Variants in MOBP observed in about 807,000 individuals in gnomAD.
MOBP encodes myelin associated oligodendrocyte basic protein.
A neutral mutation model predicts 15.0 loss-of-function variants in MOBP; 5 were observed. The observed-to-expected ratio is 0.33, with a 90% CI of 0.17 to 0.70. The LOEUF (loss-of-function observed/expected upper bound fraction) is 0.70, where lower values mean the gene tolerates loss of function less well. Ranked by LOEUF, MOBP falls within the 30% of genes least tolerant of loss-of-function variation. The pLI, the probability that MOBP is intolerant of heterozygous loss-of-function variation, is 0.67. For missense variants in MOBP, 188 were observed against 257.8 expected, an observed-to-expected ratio of 0.73 and a Z score of 1.85; for synonymous variants, 88 against 99.0, an observed-to-expected ratio of 0.89 and a Z score of 0.66.
chr3:39,502,874 C>G lies in MOBP; in HGVS notation c.546C>G (p.Phe182Leu), dbSNP rs2042995748. 8.0e-7 allele frequency: 1 copy of G among 1,253,384 alleles called. No homozygotes were observed. The highest frequency in any genetic ancestry group is 1.1e-6 in the Non-Finnish European group (1 of 914,544). 77.6% of individuals were successfully genotyped at this position (1,253,384 alleles called of 1,614,324 possible). A position where few individuals can be genotyped will look rare whatever the true frequency, so the allele number is the denominator to read the frequency against. Residue 182 changes from phenylalanine to leucine, a missense_variant, in exon 4 of 4, where the codon TTC becomes TTG. Phe to Leu is a conservative substitution (Grantham distance 22, BLOSUM62 0). Transcript: ENST00000684792. This position sits in a 1 kb window ranked among gnomAD's most constrained non-coding sequence, Gnocchi z 6.3. ...RGGSPVKASR[F>L]W ...GGTCCCCCGTCAAAGCTTCTAGGTTCTGGTAACACCATCTCTTCCCTTTTG... is the reference window on the plus strand; with the variant it reads ...GGTCCCCCGTCAAAGCTTCTAGGTTGTGGTAACACCATCTCTTCCCTTTTG...
At chr3:39,468,062 ATGC>A (rs752003359) in intron 1 of MOBP, among the ~76,000 whole-genome samples, 4 of 150,150 alleles carry the variant, frequency 2.7e-5, no homozygotes, top group Admixed American at 6.6e-5. Context: ...ATGGTAGTAC[ATGC>A]TGCTGCTGCT....
downstream of MOBP, chr3:39,525,947 A>C (rs1384501023): frequency 6.6e-6 from 1 of 152,236 alleles, no homozygotes; most frequent in Non-Finnish European, 1.5e-5. Flanking sequence ...GGTGCTAAAT[A>C]AACAACAAAA....
At chr3:39,529,196 A>C (rs1314790390), downstream of MOBP, 2 of 152,370 alleles carry the variant, frequency 1.3e-5, no homozygotes, top group East Asian at 1.9e-4. Context: ...GAAGTATCAA[A>C]GCTAGTTAAA....
intron 2 of MOBP, among the ~76,000 whole-genome samples, chr3:39,495,112 C>T (rs1432521376): frequency 2.0e-5 from 3 of 152,200 alleles, no homozygotes; most frequent in Non-Finnish European, 4.4e-5. Context: ...TTTATCCTCA[C>T]TAGACAATCC....
At chr3:39,494,491 C>CA (rs779391901) in intron 2 of MOBP, among the ~76,000 whole-genome samples, 1 of 152,016 alleles carries the variant, frequency 6.6e-6, no homozygotes, top group South Asian at 2.1e-4. Flanking sequence ...CTCATCCTGC[C>CA]AGAGAGTTCA....
rs748527671 is a variant in MOBP at position 39,502,450 on chromosome 3, T to C, written c.207-85T>C. 33 of 1,530,698 alleles carry C rather than the reference T, an allele frequency of 2.2e-5. No homozygotes were observed. The highest frequency in any genetic ancestry group is 2.1e-5 in the Non-Finnish European group (24 of 1,144,388). The allele number at this position is 1,530,698 out of a possible 1,614,324, so 94.8% of individuals were successfully genotyped here. On this transcript the variant is annotated intron_variant, in intron 3 of 3. Transcript: ENST00000684792. The surrounding 1 kb of genome is among the most constrained non-coding windows in gnomAD (Gnocchi z 6.3). The stretch of plus-strand genomic sequence containing the variant: ...GGTGGGTGGGGGAGCAGGGCCTTCC[T>C]ACCTGTTTCCAGCTCCTGCCAGCGT...
chr3:39,485,579 GTTA>G (rs2042690175), intron 2 of MOBP, among the ~76,000 whole-genome samples: 2 of 152,204 alleles, frequency 1.3e-5, no homozygotes, highest in African/African-American at 4.8e-5. Context: ...TGGACCCCCA[GTTA>G]TTATTCCAAA....
At chr3:39,503,658 T>A (rs111375600), downstream of MOBP, among the ~76,000 whole-genome samples, 2,818 of 147,968 alleles carry the variant, frequency 0.019, 92 homozygotes, top group African/African-American at 0.066. Flanking sequence ...CTGGCCAATT[T>A]TTTATTTATT....
In MOBP at chr3:39,512,888, A is replaced by G. The variant is rs77388443; in HGVS notation, c.*-495A>G. Among the ~76,000 whole-genome samples the G allele has an allele frequency of 1.8e-3, 272 of 152,334 alleles. 2 individuals carry two copies. The highest frequency in any genetic ancestry group is 6.1e-3 in the African/African-American group (255 of 41,576). On this transcript the variant is annotated intron_variant, in intron 4 of 4. Coordinates refer to the MOBP transcript ENST00000311042. The stretch of plus-strand genomic sequence containing the variant: ...CAATGCTTGTCTGGGCCACATATTT[A>G]TAATGTCTAATGTCTTTATTGGATG...
chr3:39,516,072 G>C (rs1456678398), downstream of MOBP: 1 of 152,276 alleles, frequency 6.6e-6, no homozygotes, highest in African/African-American at 2.4e-5. Context: ...AGAAGTCAAA[G>C]GTGTCTGTTG....
chr3:39,480,203 A>G (rs1356749153), intron 2 of MOBP, 80 bp downstream of exon 2: 1 of 152,226 alleles, frequency 6.6e-6, no homozygotes, highest in East Asian at 1.9e-4. Context: ...GAATGTCACA[A>G]TAGAATGCAG....
At chr3:39,469,454 A>G (rs2042437746) in intron 1 of MOBP, among the ~76,000 whole-genome samples, 1 of 113,470 alleles carries the variant, frequency 8.8e-6, no homozygotes, top group Non-Finnish European at 2.1e-5. Flanking sequence ...TTAGAAAATT[A>G]CTATTGAGAA....
At chr3:39,480,421 A>G (rs1307461471) in intron 2 of MOBP, among the ~76,000 whole-genome samples, 1 of 152,224 alleles carries the variant, frequency 6.6e-6, no homozygotes, top group Non-Finnish European at 1.5e-5. Context: ...TTCTCTGATA[A>G]ACAGACTTCC....
chr3:39,521,237 CACA>C (rs2043262242), intron 3 of MOBP, among the ~76,000 whole-genome samples: 2 of 152,156 alleles, frequency 1.3e-5, no homozygotes, highest in Non-Finnish European at 2.9e-5. Context: ...AGGTGTGAGC[CACA>C]ATGCCTGGCC....
chr3:39,529,250 T>A (rs1006279808), downstream of MOBP: 1 of 152,154 alleles, frequency 6.6e-6, no homozygotes, highest in African/African-American at 2.4e-5. Context: ...CCACAAAAAT[T>A]TAGATTGTAA....
chr3:39,518,540 T>C (rs891371764), downstream of MOBP, among the ~76,000 whole-genome samples: 1 of 152,118 alleles, frequency 6.6e-6, no homozygotes, highest in Non-Finnish European at 1.5e-5. Context: ...AAGAAAGAGC[T>C]CTTGGGCCAT....
At position 39,502,188 on chromosome 3, in the gene MOBP, T is replaced by C; in HGVS notation, c.119T>C (p.Val40Ala). 6.2e-7 allele frequency: 1 copy of C among 1,614,142 alleles called. No individual in the cohort carries two copies. ...FTFLNSKKEI[V>A]DRKYSICKSG... ...TTCCTCAATTCCAAGAAGGAGATAG[T>C]GGATCGGAAATACAGCATCTGTAAG... The change falls in exon 3 of 4, where the codon GTG becomes GCG. Residue 40 changes from valine (V) to alanine (A), a missense_variant. By Grantham distance (64) the Val-to-Ala change is moderately conservative (BLOSUM62 0). Around this residue, in one of 2 missense-constraint regions of MOBP, gnomAD observed 133 missense variants for 212.5 expected, o/e 0.63. Coordinates refer to ENST00000684792, the MANE Select transcript of MOBP (RefSeq NM_001393704.1). The surrounding 1 kb of genome is among the most constrained non-coding windows in gnomAD (Gnocchi z 6.3).
chr3:39,507,474 T>C (rs1240558196), downstream of MOBP, among the ~76,000 whole-genome samples: 1 of 152,166 alleles, frequency 6.6e-6, no homozygotes, highest in African/African-American at 2.4e-5. Context: ...TATGGAGGGA[T>C]TGGCCTTTGA....
chr3:39,509,394 T>G (rs550001417), intron 4 of MOBP, among the ~76,000 whole-genome samples: 1 of 152,302 alleles, frequency 6.6e-6, no homozygotes, highest in African/African-American at 2.4e-5. Context: ...CTTTAAAAAT[T>G]TTATTCATTC....
Sources: gnomAD v4.1 joint callset for allele counts (sites outside exome capture counted in the v4.1 genomes callset) on GRCh38, gnomAD v4.1.1 for gene constraint, gnomAD v4.1.1 regional missense constraint, Gnocchi (gnomAD v3.1) non-coding constraint, MANE v1.5 for transcripts, NCBI Gene and HGNC (gene_info 2026-07-23, HGNC 2026-07-21) for gene names.